The following ADGRL3 variants were observed in gnomAD, a reference collection of about 807,000 sequenced individuals.
ADGRL3 encodes calcium-independent alpha-latrotoxin receptor 3.
In ADGRL3, 62 loss-of-function variants were observed where a neutral mutation model predicts 153.5. The observed-to-expected ratio is 0.40, with a 90% confidence interval of 0.33 to 0.50. The LOEUF (loss-of-function observed/expected upper bound fraction) is 0.50. ADGRL3 is among the 20% of genes least tolerant of loss of function. The probability of loss-of-function intolerance (pLI) is 0.47; values close to 1 mark genes in which losing one functional copy is unlikely to be tolerated. For synonymous variants in ADGRL3, 710 were observed against 672.5 expected, an observed-to-expected ratio of 1.06 and a Z score of -0.86; for missense variants, 1,641 against 1,859.4, an observed-to-expected ratio of 0.88 and a Z score of 2.16.
intron 9 of ADGRL3, among the ~76,000 whole-genome samples, chr4:61,841,261 T>C (rs1372459583): frequency 6.6e-6 from 1 of 152,142 alleles, no homozygotes; most frequent in Non-Finnish European, 1.5e-5. Flanking sequence ...TAGGCATAAC[T>C]GAAAATTGTT....
intron 5 of ADGRL3, among the ~76,000 whole-genome samples, chr4:61,608,909 T>C (rs946268640): frequency 6.6e-6 from 1 of 152,184 alleles, no homozygotes; most frequent in African/African-American, 2.4e-5. Flanking sequence ...TTTTGGAAAA[T>C]TAATATTTCA....
At chr4:61,543,400 A>T (rs760121064) in intron 4 of ADGRL3, among the ~76,000 whole-genome samples, 7 of 152,148 alleles carry the variant, frequency 4.6e-5, no homozygotes, top group Non-Finnish European at 7.4e-5. Flanking sequence ...ATCTTTGAAG[A>T]TGAAGGAAAG....
chr4:61,726,764 A>G (rs528356260), intron 6 of ADGRL3, among the ~76,000 whole-genome samples: 22 of 152,256 alleles, frequency 1.4e-4, no homozygotes, highest in African/African-American at 4.6e-4. Flanking sequence ...ATTGTTTATA[A>G]ATTATTTAAT....
chr4:61,216,656 T>A (rs965903234), intron 1 of ADGRL3, among the ~76,000 whole-genome samples: 4 of 152,144 alleles, frequency 2.6e-5, no homozygotes, highest in African/African-American at 9.7e-5. Context: ...AATAGAAAAG[T>A]ACCAATTGCA....
rs775878577 is a variant in ADGRL3 at position 61,934,984 on chromosome 4, T to C, written c.2257T>C (p.Leu753=). 20 of 1,613,820 alleles carry C rather than the reference T, an allele frequency of 1.2e-5. No homozygotes were observed. In the South Asian group the frequency reaches 2.2e-4, roughly 18 times the overall value. ...ESAFVLADNL[L]KTDIVRENTD... ...TGCTTTTGTGCTGGCTGATAACCTTTTGAAGACTGACATTGTCAGGGAGAA... is the reference window on the plus strand; with the variant it reads ...TGCTTTTGTGCTGGCTGATAACCTTCTGAAGACTGACATTGTCAGGGAGAA... Residue 753 remains leucine (L), a synonymous_variant, in exon 14 of 27, where the codon TTG becomes CTG. Coordinates refer to ENST00000683033, the MANE Select transcript of ADGRL3 (RefSeq NM_001387552.1).
At chr4:61,652,574 G>C (rs1264720550) in intron 5 of ADGRL3, among the ~76,000 whole-genome samples, 1 of 152,104 alleles carries the variant, frequency 6.6e-6, no homozygotes, top group African/African-American at 2.4e-5. Flanking sequence ...AAAAACTCAT[G>C]CTGACCTCTG....
intron 1 of ADGRL3, among the ~76,000 whole-genome samples, chr4:61,359,989 T>C (rs370726951): frequency 6.6e-6 from 1 of 152,198 alleles, no homozygotes; most frequent in African/African-American, 2.4e-5. Context: ...ATCTGTAGTA[T>C]TAATTTTTCA....
intron 2 of ADGRL3, among the ~76,000 whole-genome samples, chr4:61,432,810 C>A (rs572049312): frequency 6.6e-6 from 1 of 151,442 alleles, no homozygotes; most frequent in Non-Finnish European, 1.5e-5. Context: ...TGAGCCACCA[C>A]GCCTGGCTAA....
At chr4:61,712,837 T>C (rs1250610880) in intron 6 of ADGRL3, among the ~76,000 whole-genome samples, 1 of 152,226 alleles carries the variant, frequency 6.6e-6, no homozygotes, top group African/African-American at 2.4e-5. Context: ...TCTCTTGATA[T>C]GACTCTCTCT....
At chr4:61,928,625 A>G (rs992125737) in intron 13 of ADGRL3, among the ~76,000 whole-genome samples, 1 of 152,184 alleles carries the variant, frequency 6.6e-6, no homozygotes, top group Non-Finnish European at 1.5e-5. Flanking sequence ...AAAACTTTTT[A>G]TAAGATAAAT....
intron 1 of ADGRL3, among the ~76,000 whole-genome samples, chr4:61,364,890 G>A (rs187018438): frequency 8.5e-5 from 13 of 152,262 alleles, no homozygotes; most frequent in African/African-American, 3.1e-4. Flanking sequence ...TTGAATGACT[G>A]TGGTATGATA....
intron 1 of ADGRL3, among the ~76,000 whole-genome samples, chr4:61,230,754 G>A (rs1750269886): frequency 6.6e-6 from 1 of 152,152 alleles, no homozygotes; most frequent in Admixed American, 6.6e-5. Context: ...GAGTTTTATA[G>A]TAGTATAACT....
At chr4:61,986,737 A>AG (rs954563564) in intron 19 of ADGRL3, among the ~76,000 whole-genome samples, 11 of 152,342 alleles carry the variant, frequency 7.2e-5, no homozygotes, top group Non-Finnish European at 1.6e-4. Flanking sequence ...ATTATATCAC[A>AG]GGGGGGCATA....
At chr4:61,751,623 A>G (rs2096758023) in intron 8 of ADGRL3, among the ~76,000 whole-genome samples, 1 of 152,164 alleles carries the variant, frequency 6.6e-6, no homozygotes, top group Non-Finnish European at 1.5e-5. Flanking sequence ...ATTTGAAAAA[A>G]CGATTTAATT....
chr4:61,538,984 T>C (rs946622796), intron 4 of ADGRL3, among the ~76,000 whole-genome samples: 2 of 152,174 alleles, frequency 1.3e-5, no homozygotes, highest in African/African-American at 4.8e-5. Flanking sequence ...ATAGGGATCA[T>C]GACCTTCAGC....
intron 1 of ADGRL3, among the ~76,000 whole-genome samples, chr4:61,239,536 A>C (rs1354602127): frequency 6.6e-6 from 1 of 152,066 alleles, no homozygotes; most frequent in East Asian, 1.9e-4. Flanking sequence ...CAGAACACTT[A>C]AACTCTGAGT....
intron 8 of ADGRL3, among the ~76,000 whole-genome samples, chr4:61,792,362 TCATCTC>T (rs1439143503): frequency 6.6e-6 from 1 of 152,120 alleles, no homozygotes; most frequent in Non-Finnish European, 1.5e-5. Flanking sequence ...AACAAGTTCT[TCATCTC>T]CATCTGAGAC....
At chr4:61,810,556 G>A (rs185646082) in intron 8 of ADGRL3, among the ~76,000 whole-genome samples, 38 of 152,112 alleles carry the variant, frequency 2.5e-4, no homozygotes, top group Admixed American at 3.9e-4. Context: ...TTTTCTATTT[G>A]AACTTTAGTA....
chr4:61,575,434 G>T (rs2098868646), intron 4 of ADGRL3, among the ~76,000 whole-genome samples: 1 of 151,982 alleles, frequency 6.6e-6, no homozygotes, highest in African/African-American at 2.4e-5. Context: ...ACCTATGGAT[G>T]AAACTGTGGT....
Sources: gnomAD v4.1 joint callset for allele counts (sites outside exome capture counted in the v4.1 genomes callset) on GRCh38, gnomAD v4.1.1 for gene constraint, MANE v1.5 for transcripts, NCBI Gene and HGNC (gene_info 2026-07-23, HGNC 2026-07-21) for gene names.